TRHDE: variants seen among roughly 807,000 people sequenced by gnomAD.
TRHDE encodes thyrotropin releasing hormone degrading enzyme, also known as thyrotropin-releasing hormone-degrading ectoenzyme.
A neutral mutation model predicts 125.7 loss-of-function variants in TRHDE; 72 were observed. That is an observed-to-expected ratio of 0.57 (90% CI 0.47 to 0.70). The LOEUF (loss-of-function observed/expected upper bound fraction) is 0.70. Ranked by LOEUF, TRHDE falls within the 30% of genes least tolerant of loss-of-function variation. The pLI, the probability that TRHDE is intolerant of heterozygous loss-of-function variation, is 0.00. For missense variants in TRHDE, 1,110 were observed against 1,327.1 expected (o/e 0.84, Z 2.54); for synonymous variants, 509 against 509.1 (o/e 1.00, Z 0.00).
intron 12 of TRHDE, among the ~76,000 whole-genome samples, chr12:72,596,742 T>G (rs1432917265): frequency 6.6e-6 from 1 of 152,188 alleles, no homozygotes; most frequent in South Asian, 2.1e-4. Flanking sequence ...ATCTGATACT[T>G]GATCTCAAGC....
chr12:72,351,059 G>A (rs1287258132), intron 2 of TRHDE, among the ~76,000 whole-genome samples: 1 of 151,940 alleles, frequency 6.6e-6, no homozygotes, highest in Non-Finnish European at 1.5e-5. Flanking sequence ...TTCAACACAC[G>A]GGAGAGCTGG....
chr12:72,373,627 G>A (rs369231955), intron 2 of TRHDE, among the ~76,000 whole-genome samples: 94 of 152,308 alleles, frequency 6.2e-4, no homozygotes, highest in African/African-American at 2.2e-3. Flanking sequence ...GCAAGAAAAG[G>A]AGATAGATGG....
chr12:72,249,659 G>T (rs565616375), intron 2 of TRHDE, among the ~76,000 whole-genome samples: 8 of 152,214 alleles, frequency 5.3e-5, no homozygotes, highest in African/African-American at 1.9e-4. Context: ...GAATAAGCAA[G>T]TGTTAGCAAG....
chr12:72,663,201 G>GTATCT lies in TRHDE; in HGVS notation c.*10_*14dup. 1 of 1,591,234 alleles carries GTATCT rather than the reference G, an allele frequency of 6.3e-7. No homozygotes were observed. Among genetic ancestry groups the GTATCT allele is most frequent in the Non-Finnish European group, 8.6e-7 (1 of 1,169,558 alleles). The stretch of plus-strand genomic sequence containing the variant: ...GAAAAGCTCTAAGACACTAATATAT[G>GTATCT]TATCTTATAAACAAACAATTCAACT... On this transcript the variant is annotated 3_prime_UTR_variant, in exon 19 of 19. Coordinates refer to ENST00000261180, the MANE Select transcript of TRHDE (RefSeq NM_013381.3).
intron 3 of TRHDE, among the ~76,000 whole-genome samples, chr12:72,437,859 T>A (rs1194304774): frequency 6.6e-6 from 1 of 151,994 alleles, no homozygotes; most frequent in East Asian, 1.9e-4. Context: ...ATTTATACAA[T>A]AGAACTCTTA....
chr12:72,407,362 G>A (rs906380709), intron 3 of TRHDE, among the ~76,000 whole-genome samples: 2 of 152,180 alleles, frequency 1.3e-5, no homozygotes, highest in Non-Finnish European at 2.9e-5. Flanking sequence ...AGCTAAGAGA[G>A]GGCTGATGTG....
chr12:72,101,649 T>G lies in TRHDE; in HGVS notation n.175-3999T>G, dbSNP rs1009800724. ...GCATTCGATTTGGCAGATCCTTCAT[T>G]CCATTGATCTTGAAGGTAATAATAT... On this transcript the variant is annotated intron_variant and non_coding_transcript_variant, in intron 1 of 4. Coordinates refer to the TRHDE transcript ENST00000548156. 1.7e-4 allele frequency among the ~76,000 whole-genome samples: 26 copies of G among 152,234 alleles called. 1 individual carries two copies. The highest frequency in any genetic ancestry group is 4.6e-4 in the Admixed American group (7 of 15,284).
At chr12:72,124,531 G>A (rs555269488) in intron 2 of TRHDE, among the ~76,000 whole-genome samples, 1 of 152,132 alleles carries the variant, frequency 6.6e-6, no homozygotes, top group African/African-American at 2.4e-5. Flanking sequence ...GATCAGGTTA[G>A]GCCTCAGTGA....
chr12:72,196,177 C>T (rs1877439303), intron 2 of TRHDE, among the ~76,000 whole-genome samples: 1 of 152,082 alleles, frequency 6.6e-6, no homozygotes, highest in African/African-American at 2.4e-5. Flanking sequence ...TCACTTTGTT[C>T]TTTTTGCTTA....
rs1565824180 is a variant in TRHDE, at chr12:72,652,313, C to T, written c.2676-9C>T. On this transcript the variant is annotated splice_polypyrimidine_tract_variant and intron_variant, in intron 15 of 18. Transcript: ENST00000261180. ...ATTAACAGAAAACCACCATGGGTTG[C>T]TTCTTTAGAATACCACTAAATGTTA... 8 of 1,421,496 alleles carry T rather than the reference C, an allele frequency of 5.6e-6. No individual in the cohort carries two copies. The South Asian group carries it at 1.4e-4, about 25-fold the overall frequency. The allele number at this position is 1,421,496 out of a possible 1,614,324, so 88.1% of individuals were successfully genotyped here.
At chr12:72,116,640 T>C (rs1875451841) in intron 2 of TRHDE, among the ~76,000 whole-genome samples, 1 of 152,026 alleles carries the variant, frequency 6.6e-6, no homozygotes, top group Non-Finnish European at 1.5e-5. Context: ...CATATATTTG[T>C]TGGCCACATA....
chr12:72,238,321 T>TATATATATAC (rs1878395323), intron 2 of TRHDE, among the ~76,000 whole-genome samples: 1 of 30,146 alleles, frequency 3.3e-5, no homozygotes, highest in South Asian at 1.4e-3. Flanking sequence ...TATATATATA[T>TATATATATAC]ACATATATAT....
intron 2 of TRHDE, among the ~76,000 whole-genome samples, chr12:72,370,473 C>T (rs547592472): frequency 1.6e-4 from 25 of 152,228 alleles, no homozygotes; most frequent in Admixed American, 9.2e-4. Flanking sequence ...CTTGTGCCGA[C>T]GGTATTAAAT....
rs895769054 is a variant in TRHDE, at chr12:72,668,703, A to C, written c.*5508A>C. 1 of 151,812 alleles carries C rather than the reference A, an allele frequency of 6.6e-6. No individual in the cohort carries two copies. The highest frequency in any genetic ancestry group is 2.4e-5 in the African/African-American group (1 of 41,398). 9.4% of individuals were successfully genotyped at this position (151,812 alleles called of 1,614,324 possible). A position where few individuals can be genotyped will look rare whatever the true frequency, so the allele number is the denominator to read the frequency against. On this transcript the variant is annotated 3_prime_UTR_variant, in exon 19 of 19. Transcript: ENST00000261180. ...TATGTCTATTGGTATCACATCAATT[A>C]ATAACCCTGTGAAATGTCATTAGCT...
intron 12 of TRHDE, 42 bp from the exon 13 acceptor site, chr12:72,618,849 G>T (rs200265911): frequency 1.9e-4 from 267 of 1,406,584 alleles, no homozygotes; most frequent in Non-Finnish European, 2.4e-4. Flanking sequence ...AAAAATCTTC[G>T]TTTGTGCATC....
chr12:72,609,661 G>C (rs1416541157), intron 12 of TRHDE, among the ~76,000 whole-genome samples: 1 of 152,192 alleles, frequency 6.6e-6, no homozygotes, highest in East Asian at 1.9e-4. Context: ...ATATAGAAAA[G>C]GCAAAACTTT....
chr12:72,147,593 AT>A (rs1876258533), intron 2 of TRHDE: 1 of 152,208 alleles, frequency 6.6e-6, no homozygotes, highest in Non-Finnish European at 1.5e-5. Context: ...GAAAAGGAGC[AT>A]GATTATATTA....
At chr12:72,553,508 T>C (rs1869772116) in intron 7 of TRHDE, among the ~76,000 whole-genome samples, 2 of 152,106 alleles carry the variant, frequency 1.3e-5, no homozygotes, top group Non-Finnish European at 2.9e-5. Flanking sequence ...TAAGTCTCTT[T>C]TGTGCTGAGT....
At chr12:72,383,163 C>T (rs1866064187) in intron 3 of TRHDE, among the ~76,000 whole-genome samples, 2 of 152,114 alleles carry the variant, frequency 1.3e-5, no homozygotes, top group South Asian at 4.1e-4. Context: ...CTACTTAATA[C>T]AATACACCAA....
Sources: gnomAD v4.1 joint callset for allele counts (sites outside exome capture counted in the v4.1 genomes callset) on GRCh38, gnomAD v4.1.1 for gene constraint, MANE v1.5 for transcripts, NCBI Gene and HGNC (gene_info 2026-07-23, HGNC 2026-07-21) for gene names.